USP7: variants seen among roughly 807,000 people sequenced by gnomAD.
The protein encoded by USP7 is ubiquitin specific peptidase 7.
A neutral mutation model predicts 162.9 loss-of-function variants in USP7; 9 were observed. That is an observed-to-expected ratio of 0.06 (90% CI 0.03 to 0.10). The LOEUF (loss-of-function observed/expected upper bound fraction) is 0.10, where lower values mean the gene tolerates loss of function less well. Ranked by LOEUF, USP7 falls within the 10% of genes least tolerant of loss-of-function variation. The pLI is 1.00. For missense variants in USP7, 715 were observed against 1,373.7 expected, an observed-to-expected ratio of 0.52 and a Z score of 7.58; for synonymous variants, 562 against 475.9, an observed-to-expected ratio of 1.18 and a Z score of -2.35.
intron 1 of USP7, among the ~76,000 whole-genome samples, chr16:8,934,793 G>C (rs1222817623): frequency 1.3e-5 from 2 of 152,222 alleles, no homozygotes; most frequent in Non-Finnish European, 2.9e-5. Flanking sequence ...AGTACATAAG[G>C]GGTGGGTCCC....
rs776148648 is a variant in USP7 at position 8,903,434 on chromosome 16, TTGACAAC to T, written c.1705-39_1705-33del. ...ATATGTATGAAAGCACAGAAAAGAC[TTGACAAC>T]TGACAAAAAATGAGTCCACACTGAA... On this transcript the variant is annotated intron_variant, in intron 15 of 30. Transcript: ENST00000344836. 1.9e-6 allele frequency: 3 copies of T among 1,601,624 alleles called. No individual in the cohort carries two copies. The South Asian group carries it at 3.3e-5, about 18-fold the overall frequency.
chr16:8,894,439 GTGGAGAGAGAGGAGC>G (rs1185605307), intron 30 of USP7, 96 bp downstream of exon 30: 4 of 1,074,748 alleles, frequency 3.7e-6, no homozygotes, highest in Non-Finnish European at 5.4e-6. Flanking sequence ...AGGTCGGCCA[GTGGAGAGAGAGGAGC>G]TGGCACTTGA....
At chr16:8,908,147 G>A (rs1285667853) in intron 12 of USP7, among the ~76,000 whole-genome samples, 194 bp downstream of exon 12, 2 of 152,184 alleles carry the variant, frequency 1.3e-5, no homozygotes, top group Non-Finnish European at 2.9e-5. Flanking sequence ...AATGGACTCG[G>A]CAGAGGTTGA....
chr16:8,914,265 T>G lies in USP7; in HGVS notation c.1078+989A>C, dbSNP rs538446521. On this transcript the variant is annotated intron_variant, in intron 10 of 30. Coordinates refer to ENST00000344836, the MANE Select transcript of USP7 (RefSeq NM_003470.3). ...ATACTCCCACCAAAATCTTTCAAAG[T>G]CTGGCAACTGACAGCTCCAGTGTGG... 2.0e-5 allele frequency among the ~76,000 whole-genome samples: 3 copies of G among 152,098 alleles called. No individual in the cohort carries two copies. In the East Asian group the frequency reaches 5.8e-4, roughly 29 times the overall value.
At chr16:8,899,472 A>G in intron 22 of USP7, 132 bp downstream of exon 22, 4 of 1,146,692 alleles carry the variant, frequency 3.5e-6, no homozygotes, top group Non-Finnish European at 4.9e-6. Flanking sequence ...TGAATCCATC[A>G]GTGGGAGATT....
intron 12 of USP7, 41 bp from the exon 13 acceptor site, chr16:8,906,623 C>A: frequency 1.3e-6 from 2 of 1,579,278 alleles, no homozygotes; most frequent in Non-Finnish European, 1.7e-6. Flanking sequence ...TATTAATTTA[C>A]ACAAAAAATA....
At chr16:8,901,121 G>GT (rs1567209467) in intron 19 of USP7, 21 bp downstream of exon 19, 5 of 1,612,442 alleles carry the variant, frequency 3.1e-6, no homozygotes, top group Non-Finnish European at 4.2e-6. Context: ...TACTCAGAAG[G>GT]TAAGTGCACG....
At chr16:8,947,480 C>G (rs577413114) in intron 1 of USP7, among the ~76,000 whole-genome samples, 4 of 152,004 alleles carry the variant, frequency 2.6e-5, no homozygotes, top group Non-Finnish European at 5.9e-5. Flanking sequence ...TCCTGATTAG[C>G]TGGACTACAG....
intron 1 of USP7, among the ~76,000 whole-genome samples, chr16:8,941,536 G>A (rs1443725917): frequency 1.3e-5 from 2 of 152,196 alleles, no homozygotes; most frequent in Non-Finnish European, 2.9e-5. Context: ...CTTGTCCTAA[G>A]CCAAAACACA....
At chr16:8,962,238 G>C (rs2141271752) in intron 1 of USP7, among the ~76,000 whole-genome samples, 1 of 152,296 alleles carries the variant, frequency 6.6e-6, no homozygotes, top group South Asian at 2.1e-4. Flanking sequence ...GCCTCCATTT[G>C]ACTCCCGACA....
chr16:8,938,121 G>A (rs1019816348), intron 1 of USP7, among the ~76,000 whole-genome samples: 18 of 152,068 alleles, frequency 1.2e-4, no homozygotes, highest in African/African-American at 4.3e-4. Flanking sequence ...AGAGGCCCTA[G>A]GCAGGAAGAA....
intron 1 of USP7, among the ~76,000 whole-genome samples, chr16:8,936,134 C>A (rs925107323): frequency 1.3e-5 from 2 of 152,182 alleles, no homozygotes; most frequent in African/African-American, 4.8e-5. Context: ...GTGCCTTGTC[C>A]ATGAAGACCC....
In USP7 at chr16:8,901,135, G is replaced by T. The variant is rs1333998028; in HGVS notation, c.2140+7C>A. 1 of 1,612,286 alleles carries T rather than the reference G, an allele frequency of 6.2e-7. No individual in the cohort carries two copies. Among genetic ancestry groups the T allele is most frequent in the Non-Finnish European group, 8.5e-7 (1 of 1,178,478 alleles). The stretch of plus-strand genomic sequence containing the variant: ...CTACTCAGAAGGTAAGTGCACGAAG[G>T]ACTTACGTATTTTACAGGATATTGG... On this transcript the variant is annotated splice_region_variant and intron_variant, in intron 19 of 30. Transcript: ENST00000344836.
intron 3 of USP7, 125 bp downstream of exon 3, chr16:8,923,090 T>C: frequency 1.8e-6 from 1 of 561,616 alleles, no homozygotes; most frequent in Non-Finnish European, 2.9e-6. Flanking sequence ...CCAGTGGGTT[T>C]TAAAGAGAAA....
chr16:8,900,771 A>G (rs1020910965), intron 20 of USP7, 141 bp from the exon 21 acceptor site: 11 of 736,936 alleles, frequency 1.5e-5, no homozygotes, highest in Non-Finnish European at 1.7e-5. Context: ...AGGAAAAGCT[A>G]AATGAATAAA....
At chr16:8,909,989 G>C (rs766194708) in intron 11 of USP7, among the ~76,000 whole-genome samples, 5 of 152,150 alleles carry the variant, frequency 3.3e-5, no homozygotes, top group Non-Finnish European at 5.9e-5. Flanking sequence ...TGACCTAGCA[G>C]AAGAGTACAT....
chr16:8,958,015 C>T (rs554033681), intron 1 of USP7, among the ~76,000 whole-genome samples: 3 of 152,256 alleles, frequency 2.0e-5, no homozygotes, highest in Admixed American at 6.5e-5. Flanking sequence ...CACTTGCCAG[C>T]CAGCCATCTC....
At chr16:8,904,303 C>T (rs1293852704) in intron 15 of USP7, 132 bp downstream of exon 15, 8 of 1,474,346 alleles carry the variant, frequency 5.4e-6, no homozygotes, top group African/African-American at 1.4e-5. Flanking sequence ...CCTGCACTTG[C>T]GTACAGAGAT....
At chr16:8,962,246 A>T (rs1900042350) in intron 1 of USP7, among the ~76,000 whole-genome samples, 1 of 152,198 alleles carries the variant, frequency 6.6e-6, no homozygotes, top group African/African-American at 2.4e-5. Flanking sequence ...TTGACTCCCG[A>T]CAGCCTGAAC....
Sources: allele counts gnomAD v4.1 joint callset (sites outside exome capture counted in the v4.1 genomes callset), GRCh38; gene constraint gnomAD v4.1.1; transcripts MANE v1.5; gene names NCBI Gene and HGNC (gene_info 2026-07-23, HGNC 2026-07-21).